PCNX2: variants seen among roughly 807,000 people sequenced by gnomAD.
PCNX2 encodes pecanex 2, also known as pecanex-like protein 2.
In PCNX2, 168 loss-of-function variants were observed where a neutral mutation model predicts 223.8. The ratio of observed to expected loss-of-function variants is 0.75; its 90% CI spans 0.66 to 0.85. The LOEUF (loss-of-function observed/expected upper bound fraction) is 0.85. PCNX2 is among the 40% of genes least tolerant of loss of function. The pLI, the probability that PCNX2 is intolerant of heterozygous loss-of-function variation, is 0.00. For missense variants in PCNX2, 2,507 were observed against 2,675.5 expected (o/e 0.94, Z 1.39); for synonymous variants, 1,006 against 1,052.6 (o/e 0.96, Z 0.86).
At position 233,259,308 on chromosome 1, in the gene PCNX2, A is replaced by G; in HGVS notation, c.554T>C (p.Val185Ala). The change falls in exon 5 of 34, where the codon GTG becomes GCG. Residue 185 changes from valine (V) to alanine (A), a missense_variant. Val to Ala is a moderately conservative substitution (Grantham distance 64). Coordinates refer to ENST00000258229, the MANE Select transcript of PCNX2 (RefSeq NM_014801.4). ...ILLEDHPIAP[V>A]SSTSPGIKVE... The stretch of plus-strand genomic sequence containing the variant: ...TTTGATACCAGGTGAGGTAGATGAC[A>G]CTGGTGCTATGGGATGGTCTTCTAA... The G allele has an allele frequency of 6.2e-7, 1 of 1,613,776 alleles. No homozygotes were observed. The highest frequency in any genetic ancestry group is 1.3e-5 in the African/African-American group (1 of 75,034).
intron 26 of PCNX2, 142 bp from the exon 27 acceptor site, chr1:233,017,296 G>T (rs2102820479): frequency 8.5e-6 from 4 of 468,528 alleles, no homozygotes; most frequent in East Asian, 3.6e-5. Context: ...GAACTCATTT[G>T]AGACATTCTA....
At chr1:233,202,794 C>A (rs1203151890) in intron 13 of PCNX2, among the ~76,000 whole-genome samples, 2 of 152,092 alleles carry the variant, frequency 1.3e-5, no homozygotes, top group Non-Finnish European at 2.9e-5. Context: ...ATAAAACTCC[C>A]AGGTCTGAAA....
intron 23 of PCNX2, among the ~76,000 whole-genome samples, chr1:233,083,008 A>G (rs1455590912): frequency 1.3e-5 from 2 of 152,224 alleles, no homozygotes; most frequent in Admixed American, 1.3e-4. Flanking sequence ...TCCTCTTTTC[A>G]GTAAACCACA....
rs1662045705 is a variant in PCNX2 at position 233,295,602 on chromosome 1, T to TCGCCCCCGC, written c.-133_-125dup. The TCGCCCCCGC allele has an allele frequency of 1.9e-6, 2 of 1,072,758 alleles. No homozygotes were observed. Among genetic ancestry groups the TCGCCCCCGC allele is most frequent in the Admixed American group, 4.4e-5 (1 of 22,814 alleles). 66.5% of individuals were successfully genotyped at this position (1,072,758 alleles called of 1,614,324 possible). A position where few individuals can be genotyped will look rare whatever the true frequency, so the allele number is the denominator to read the frequency against. ...CGCGCCCCCGCCGTCGCCGCCGCCG[T>TCGCCCCCGC]CGCCCCCGCCGCCTCCTTCCACCCC... is the stretch of plus-strand genomic sequence containing the variant. On this transcript the variant is annotated 5_prime_UTR_variant, in exon 1 of 34. Transcript: ENST00000258229. The surrounding 1 kb of genome is among the most constrained non-coding windows in gnomAD (Gnocchi z 4.1).
At chr1:233,043,632 C>T (rs1349555209) in intron 25 of PCNX2, among the ~76,000 whole-genome samples, 1 of 122,692 alleles carries the variant, frequency 8.2e-6, no homozygotes, top group Non-Finnish European at 1.7e-5. Flanking sequence ...GTTCAATTCC[C>T]ACCTATGAGT....
chr1:232,984,746 A>G lies in PCNX2; in HGVS notation c.6241-269T>C, dbSNP rs1485386048. On this transcript the variant is annotated intron_variant, in intron 33 of 33. Coordinates refer to ENST00000258229, the MANE Select transcript of PCNX2 (RefSeq NM_014801.4). The stretch of plus-strand genomic sequence containing the variant: ...GCTGGAAAGAGCGGCCCTGGGGGGA[A>G]GGGGCATTTGTGCGCCTGGCTTTCT... 1.1e-5 allele frequency: 4 copies of G among 376,354 alleles called. No individual in the cohort carries two copies. The East Asian group carries it at 2.0e-4, about 19-fold the overall frequency. 23.3% of individuals were successfully genotyped at this position (376,354 alleles called of 1,614,324 possible).
chr1:233,124,025 T>C (rs1414752661), intron 21 of PCNX2, among the ~76,000 whole-genome samples: 1 of 152,200 alleles, frequency 6.6e-6, no homozygotes, highest in Non-Finnish European at 1.5e-5. Context: ...TTTTTTTCAA[T>C]TAACCAACCA....
At chr1:233,060,719 C>CAG (rs1463745502) in intron 23 of PCNX2, among the ~76,000 whole-genome samples, 4 of 152,346 alleles carry the variant, frequency 2.6e-5, no homozygotes, top group African/African-American at 9.6e-5. Context: ...TCCCCAATCT[C>CAG]AGTGGGAACA....
the PCNX2 span, among the ~76,000 whole-genome samples, chr1:233,323,398 G>A: frequency 2.0e-5 from 3 of 152,180 alleles, no homozygotes; most frequent in African/African-American, 7.2e-5. Context: ...ACATCCTCCT[G>A]TATACAGGCA....
intron 12 of PCNX2, chr1:233,211,938 A>AT (rs2102917599): frequency 2.9e-6 from 1 of 347,970 alleles, no homozygotes; most frequent in East Asian, 1.7e-4. Context: ...AAACCCAGAC[A>AT]TTCTCTGCCC....
intron 12 of PCNX2, among the ~76,000 whole-genome samples, chr1:233,216,233 G>A (rs560958334): frequency 6.6e-6 from 1 of 152,256 alleles, no homozygotes; most frequent in South Asian, 2.1e-4. Flanking sequence ...CTGTCCCATA[G>A]CACCCACCCC....
In PCNX2 at chr1:233,263,156, G is replaced by C. The variant is rs183042450; in HGVS notation, c.161C>G (p.Pro54Arg). The change falls in exon 2 of 34, where the codon CCT (proline) becomes CGT (arginine). Residue 54 changes from proline (P) to arginine (R), a missense_variant. Physicochemically the swap from Pro to Arg is moderately radical, Grantham distance 103. Around this residue, in one of 3 missense-constraint regions of PCNX2, gnomAD observed 1,031 missense variants for 1,021.7 expected, o/e 1.01. Coordinates refer to ENST00000258229, the MANE Select transcript of PCNX2 (RefSeq NM_014801.4). ...LLPLALHLAFPPNAIIVFFYC... is the reference protein window; with the variant it reads ...LLPLALHLAFRPNAIIVFFYC... ...GAAAAATACAATGATCGCATTTGGA[G>C]GAAAAGCCTGAAGAAAGGAAAAGAC... 1.9e-6 allele frequency: 3 copies of C among 1,604,536 alleles called. No homozygotes were observed. In the East Asian group the frequency reaches 6.7e-5, roughly 36 times the overall value.
chr1:233,020,337 G>A (rs1224646662), intron 26 of PCNX2, among the ~76,000 whole-genome samples: 4 of 152,298 alleles, frequency 2.6e-5, no homozygotes, highest in African/African-American at 4.8e-5. Flanking sequence ...CTTCTGTCAC[G>A]GAGACACAGT....
At position 233,199,164 on chromosome 1, in the gene PCNX2, T is replaced by C; in HGVS notation, c.2975-134A>G. 5.1e-6 allele frequency: 4 copies of C among 790,906 alleles called. No homozygotes were observed. The South Asian group carries it at 7.5e-5, about 15-fold the overall frequency. 49.0% of individuals were successfully genotyped at this position (790,906 alleles called of 1,614,324 possible). A position where few individuals can be genotyped will look rare whatever the true frequency, so the allele number is the denominator to read the frequency against. ...AGGGGTAAATAATACATCTATGGGA[T>C]CCATCAAAAGGCACTGGGTGACTCA... On this transcript the variant is annotated intron_variant, in intron 14 of 33. Coordinates refer to ENST00000258229, the MANE Select transcript of PCNX2 (RefSeq NM_014801.4).
intron 1 of PCNX2, among the ~76,000 whole-genome samples, chr1:233,265,295 T>G (rs1442333610): frequency 1.3e-5 from 2 of 151,630 alleles, no homozygotes; most frequent in Non-Finnish European, 2.9e-5. Context: ...TTCATGTAAC[T>G]AGGGTTTCAT....
chr1:233,136,508 G>A (rs1211208062), intron 20 of PCNX2, among the ~76,000 whole-genome samples: 3 of 152,150 alleles, frequency 2.0e-5, no homozygotes, highest in Admixed American at 6.6e-5. Flanking sequence ...GATGTGTGAG[G>A]TGTGGTTTGC....
chr1:233,296,040 C>A (rs1323747898), upstream of PCNX2, among the ~76,000 whole-genome samples: 3 of 138,222 alleles, frequency 2.2e-5, no homozygotes, highest in Admixed American at 7.5e-5. Flanking sequence ...CCTTCCCCTT[C>A]TCTCTGATCC....
At position 233,001,676 on chromosome 1, in the gene PCNX2, T is replaced by G. The variant is rs1366763587; in HGVS notation, c.4958A>C (p.Asp1653Ala). The G allele has an allele frequency of 1.3e-6, 2 of 1,574,488 alleles. No individual in the cohort carries two copies. The highest frequency in any genetic ancestry group is 1.7e-6 in the Non-Finnish European group (2 of 1,159,460). ...GACATGGAGGCCATACAGGAAAGAA[T>G]CCAGGCTGCAAAACAAAGTCCTATT... is the stretch of plus-strand genomic sequence containing the variant. ...TAAHNMAISL[D>A]SFLYGLHVLF... The change falls in exon 29 of 34, where the codon GAT becomes GCT. Residue 1653 changes from aspartate to alanine, a missense_variant. Transcript: ENST00000258229. This position sits in a 1 kb window ranked among gnomAD's most constrained non-coding sequence, Gnocchi z 4.2.
chr1:233,146,066 C>T (rs557009697), intron 19 of PCNX2, among the ~76,000 whole-genome samples: 1 of 152,196 alleles, frequency 6.6e-6, no homozygotes, highest in Non-Finnish European at 1.5e-5. Context: ...AATACGGTCC[C>T]AAGCATTTTA....
Sources: allele counts gnomAD v4.1 joint callset (sites outside exome capture counted in the v4.1 genomes callset), GRCh38; gene constraint gnomAD v4.1.1; regional missense constraint gnomAD v4.1.1; non-coding constraint Gnocchi (gnomAD v3.1); transcripts MANE v1.5; gene names NCBI Gene and HGNC (gene_info 2026-07-23, HGNC 2026-07-21).